Variants in DOCK7 observed in about 807,000 individuals in gnomAD.
The protein encoded by DOCK7 is dedicator of cytokinesis 7, also known as dedicator of cytokinesis protein 7.
DOCK7 carries 138 observed loss-of-function variants against 271.0 expected under a neutral mutation model. That is an observed-to-expected ratio of 0.51 (90% CI 0.44 to 0.59). The LOEUF is 0.59. Ranked by LOEUF, DOCK7 falls within the 20% of genes least tolerant of loss-of-function variation. The probability of loss-of-function intolerance (pLI) is 0.00; values close to 1 mark genes in which losing one functional copy is unlikely to be tolerated. For synonymous variants in DOCK7, 823 were observed against 876.1 expected (o/e 0.94, Z 1.07); for missense variants, 2,066 against 2,592.4 (o/e 0.80, Z 4.41).
intron 22 of DOCK7, among the ~76,000 whole-genome samples, chr1:62,547,316 T>C (rs1162802918): frequency 6.6e-6 from 1 of 152,216 alleles, no homozygotes; most frequent in Non-Finnish European, 1.5e-5. Context: ...TTAAGCAAAC[T>C]CATCACTTAT....
rs776558413 is a variant in DOCK7, at chr1:62,597,606, G to C, written c.1683-10982C>G. 3.7e-6 allele frequency: 6 copies of C among 1,612,698 alleles called. No homozygotes were observed. The East Asian group carries it at 1.3e-4, about 36-fold the overall frequency. ...GCTCCTTCTTTTTATTGTTCCTCTAGTTATTTCCTCCAGAATTGATCAAGA... is the reference window on the plus strand; with the variant it reads ...GCTCCTTCTTTTTATTGTTCCTCTACTTATTTCCTCCAGAATTGATCAAGA... On this transcript the variant is annotated intron_variant, in intron 14 of 49. Transcript: ENST00000635253.
chr1:62,465,128 T>C lies in DOCK7; in HGVS notation c.6213-7423A>G, dbSNP rs917461530. On this transcript the variant is annotated intron_variant, in intron 48 of 49. Coordinates refer to ENST00000635253, the MANE Select transcript of DOCK7 (RefSeq NM_001367561.1). Reference sequence around the variant, plus strand: ...TACATACTGTACTACTGCCATAATTTTGTAGCCACCTCTTGTTGCTACTGT... The same window carrying C: ...TACATACTGTACTACTGCCATAATTCTGTAGCCACCTCTTGTTGCTACTGT... Among the ~76,000 whole-genome samples the C allele has an allele frequency of 4.1e-4, 63 of 152,350 alleles. 1 individual carries two copies. The highest frequency in any genetic ancestry group is 1.5e-4 in the Non-Finnish European group (10 of 68,044).
At chr1:62,617,846 A>G (rs1217381031) in intron 14 of DOCK7, among the ~76,000 whole-genome samples, 1 of 152,034 alleles carries the variant, frequency 6.6e-6, no homozygotes, top group Non-Finnish European at 1.5e-5. Context: ...AGGTGGAAGT[A>G]GTAAGAAGTA....
chr1:62,551,998 A>G (rs1645923067), intron 22 of DOCK7, among the ~76,000 whole-genome samples: 1 of 152,042 alleles, frequency 6.6e-6, no homozygotes, highest in African/African-American at 2.4e-5. Flanking sequence ...ACATTTTAAA[A>G]GAACCTTAAG....
At chr1:62,459,845 A>G (rs555089998) in intron 48 of DOCK7, among the ~76,000 whole-genome samples, 1 of 152,274 alleles carries the variant, frequency 6.6e-6, no homozygotes, top group South Asian at 2.1e-4. Flanking sequence ...CATGTCTGTA[A>G]TCCCAGCACT....
rs944662999 is a variant in DOCK7 at position 62,683,102 on chromosome 1, C to T, written c.38+5125G>A. On this transcript the variant is annotated intron_variant, in intron 1 of 49. Coordinates refer to ENST00000635253, the MANE Select transcript of DOCK7 (RefSeq NM_001367561.1). Reference sequence around the variant, plus strand: ...AAAATTGTTAAATAAGAGAAATGACCTAAGGTAAACCTCATCTCAAATGGC... The same window carrying T: ...AAAATTGTTAAATAAGAGAAATGACTTAAGGTAAACCTCATCTCAAATGGC... Among the ~76,000 whole-genome samples the T allele has an allele frequency of 2.0e-4, 30 of 152,166 alleles. 1 individual carries two copies. The highest frequency in any genetic ancestry group is 6.8e-3 in the Middle Eastern group (2 of 294).
intron 42 of DOCK7, chr1:62,488,027 T>TTTCAGCC (rs1646347944): frequency 6.6e-6 from 1 of 152,342 alleles, no homozygotes; most frequent in East Asian, 1.9e-4. Flanking sequence ...GTCAAAGGCT[T>TTTCAGCC]TTCAGATTAA....
intron 1 of DOCK7, among the ~76,000 whole-genome samples, chr1:62,679,249 T>C (rs71643639): frequency 0.038 from 5,744 of 151,876 alleles, 142 homozygotes; most frequent in Non-Finnish European, 0.057. Context: ...TTACGACCCA[T>C]AAACCAATAA....
At chr1:62,659,836 TGATCCAA>T (rs1658457724) in intron 2 of DOCK7, among the ~76,000 whole-genome samples, 1 of 152,140 alleles carries the variant, frequency 6.6e-6, no homozygotes, top group South Asian at 2.1e-4. Flanking sequence ...ATAAAAGGAA[TGATCCAA>T]GAGGACATAG....
At chr1:62,617,460 C>T (rs1312960377) in intron 14 of DOCK7, among the ~76,000 whole-genome samples, 1 of 151,844 alleles carries the variant, frequency 6.6e-6, no homozygotes, top group Non-Finnish European at 1.5e-5. Flanking sequence ...ATAAGATAGC[C>T]AAATTAGTAA....
At chr1:62,513,940 A>C (rs773922331) in intron 31 of DOCK7, 42 bp from the exon 32 acceptor site, 8 of 1,531,748 alleles carry the variant, frequency 5.2e-6, no homozygotes, top group South Asian at 1.3e-5. Flanking sequence ...TTGATCAAAG[A>C]CCATTTCTTG....
At chr1:62,633,188 T>C (rs1654836940) in intron 10 of DOCK7, among the ~76,000 whole-genome samples, 2 of 152,158 alleles carry the variant, frequency 1.3e-5, no homozygotes, top group African/African-American at 4.8e-5. Context: ...TTAAACTGAA[T>C]TAATTTAGTT....
intron 18 of DOCK7, among the ~76,000 whole-genome samples, chr1:62,573,729 A>C (rs1646857804): frequency 6.6e-6 from 1 of 152,170 alleles, no homozygotes; most frequent in African/African-American, 2.4e-5. Context: ...ACTTAAAATT[A>C]AAATGATAAA....
chr1:62,550,351 T>C (rs1308480532), intron 22 of DOCK7, among the ~76,000 whole-genome samples: 2 of 152,164 alleles, frequency 1.3e-5, no homozygotes, highest in East Asian at 3.8e-4. Flanking sequence ...AATAGGTAGC[T>C]AGATAGCATG....
chr1:62,671,223 A>G (rs904245523), intron 1 of DOCK7, among the ~76,000 whole-genome samples: 1 of 152,236 alleles, frequency 6.6e-6, no homozygotes, highest in Admixed American at 6.5e-5. Context: ...TCTTGAAGTC[A>G]GTGAGACCAA....
At chr1:62,519,725 G>A (rs542848199) in intron 31 of DOCK7, among the ~76,000 whole-genome samples, 20 of 152,238 alleles carry the variant, frequency 1.3e-4, no homozygotes, top group Non-Finnish European at 2.6e-4. Flanking sequence ...ACCATTTGGG[G>A]AAGATGTAAG....
chr1:62,621,241 A>G (rs941176087), intron 12 of DOCK7, among the ~76,000 whole-genome samples: 1 of 152,192 alleles, frequency 6.6e-6, no homozygotes, highest in Non-Finnish European at 1.5e-5. Context: ...TCCTCATACT[A>G]AGGCCAGAAA....
At chr1:62,581,712 TGGAATGC>T (rs1317545597) in intron 16 of DOCK7, among the ~76,000 whole-genome samples, 1 of 151,606 alleles carries the variant, frequency 6.6e-6, no homozygotes, top group Non-Finnish European at 1.5e-5. Flanking sequence ...GTGTTTTGTG[TGGAATGC>T]CTTACACTTA....
intron 14 of DOCK7, among the ~76,000 whole-genome samples, chr1:62,612,874 C>G (rs368415122): frequency 1.4e-4 from 22 of 152,148 alleles, no homozygotes; most frequent in Admixed American, 1.4e-3. Flanking sequence ...TACAAACATT[C>G]AACAGGTGAT....
Sources: gnomAD v4.1 joint callset for allele counts (sites outside exome capture counted in the v4.1 genomes callset) on GRCh38, gnomAD v4.1.1 for gene constraint, MANE v1.5 for transcripts, NCBI Gene and HGNC (gene_info 2026-07-23, HGNC 2026-07-21) for gene names.